SPOCK1: variants seen among roughly 807,000 people sequenced by gnomAD.
SPOCK1 encodes the protein SPARC (osteonectin), cwcv and kazal like domains proteoglycan 1.
In SPOCK1, 23 loss-of-function variants were observed where a neutral mutation model predicts 55.3. The observed-to-expected ratio is 0.42, with a 90% CI of 0.30 to 0.59. The LOEUF is 0.59. Among genes scored for constraint, SPOCK1 ranks in the 20% least tolerant of loss-of-function variants. The pLI is 0.22. For synonymous variants in SPOCK1, 226 were observed against 221.0 expected (o/e 1.02, Z -0.20); for missense variants, 499 against 552.5 (o/e 0.90, Z 0.97).
chr5:137,210,562 T>C (rs1755592022), intron 3 of SPOCK1, among the ~76,000 whole-genome samples: 1 of 152,152 alleles, frequency 6.6e-6, no homozygotes, highest in Non-Finnish European at 1.5e-5. Flanking sequence ...AGGAGAGACA[T>C]AATAAAAGGC....
Position 137,411,374 on chromosome 5 carries a change from C to T in SPOCK1, c.186+86999G>A, listed in dbSNP as rs551397753. On this transcript the variant is annotated intron_variant, in intron 2 of 10. Transcript: ENST00000394945. ...GTGTTCTATAGGATCACAGCAAACACCTGAAGAAGGGGAGAGCACCAGTGA... is the reference window on the plus strand; with the variant it reads ...GTGTTCTATAGGATCACAGCAAACATCTGAAGAAGGGGAGAGCACCAGTGA... Among the ~76,000 whole-genome samples the T allele has an allele frequency of 2.6e-5, 4 of 152,098 alleles. No individual in the cohort carries two copies. The South Asian group carries it at 8.3e-4, about 32-fold the overall frequency.
intron 4 of SPOCK1, among the ~76,000 whole-genome samples, chr5:137,133,213 C>CA (rs1217048915): frequency 2.0e-5 from 3 of 151,622 alleles, no homozygotes; most frequent in African/African-American, 4.8e-5. Flanking sequence ...ACTAAAAATA[C>CA]AAAAAAATTA....
At chr5:136,982,145 A>C (rs992154857) in intron 9 of SPOCK1, among the ~76,000 whole-genome samples, 16 of 152,196 alleles carry the variant, frequency 1.1e-4, no homozygotes, top group Non-Finnish European at 1.5e-4. Context: ...AAAGTCACCT[A>C]ATGACACATT....
chr5:137,474,732 G>C (rs544581465), intron 2 of SPOCK1, among the ~76,000 whole-genome samples: 7 of 152,246 alleles, frequency 4.6e-5, no homozygotes, highest in African/African-American at 1.7e-4. Flanking sequence ...TGCATCAATA[G>C]GCACAGTGAT....
chr5:137,323,020 G>A (rs1195388475), intron 2 of SPOCK1, among the ~76,000 whole-genome samples: 2 of 152,074 alleles, frequency 1.3e-5, no homozygotes, highest in African/African-American at 2.4e-5. Context: ...AAACCCACTC[G>A]TGCAATAACT....
intron 2 of SPOCK1, among the ~76,000 whole-genome samples, chr5:137,368,229 C>T (rs1482443259): frequency 2.6e-5 from 4 of 152,100 alleles, no homozygotes; most frequent in Non-Finnish European, 5.9e-5. Context: ...CAGGCATGAA[C>T]ATATGAAAAA....
At chr5:137,060,923 C>G (rs1173783427) in intron 6 of SPOCK1, among the ~76,000 whole-genome samples, 1 of 152,188 alleles carries the variant, frequency 6.6e-6, no homozygotes, top group Non-Finnish European at 1.5e-5. Flanking sequence ...ACCTCAGAGT[C>G]CTGACAAATG....
chr5:137,088,834 G>T (rs552897026), intron 5 of SPOCK1, among the ~76,000 whole-genome samples: 1 of 152,154 alleles, frequency 6.6e-6, no homozygotes, highest in Non-Finnish European at 1.5e-5. Flanking sequence ...GAATCTTCCA[G>T]GTGGATGTGC....
At chr5:137,153,940 G>A (rs570626640) in intron 3 of SPOCK1, among the ~76,000 whole-genome samples, 1 of 152,052 alleles carries the variant, frequency 6.6e-6, no homozygotes, top group Admixed American at 6.6e-5. Flanking sequence ...ATAAGGAAGA[G>A]AGGTAAGGGG....
intron 3 of SPOCK1, among the ~76,000 whole-genome samples, chr5:137,236,801 C>T (rs947841513): frequency 3.3e-5 from 5 of 152,204 alleles, no homozygotes; most frequent in African/African-American, 7.2e-5. Flanking sequence ...AAAACATCTA[C>T]TGAGCACAGA....
At chr5:137,474,288 C>CACTT (rs1452896871) in intron 2 of SPOCK1, among the ~76,000 whole-genome samples, 1 of 151,844 alleles carries the variant, frequency 6.6e-6, no homozygotes, top group African/African-American at 2.4e-5. Context: ...ATTATCAGTA[C>CACTT]GGTAATTCCT....
At chr5:137,182,138 T>C (rs1473838969) in intron 3 of SPOCK1, among the ~76,000 whole-genome samples, 11 of 152,332 alleles carry the variant, frequency 7.2e-5, no homozygotes, top group Non-Finnish European at 1.6e-4. Context: ...TTGCCCTGCA[T>C]CCTTCAATGG....
At chr5:137,026,775 G>C (rs558100654) in intron 6 of SPOCK1, among the ~76,000 whole-genome samples, 36 of 152,278 alleles carry the variant, frequency 2.4e-4, no homozygotes, top group African/African-American at 8.7e-4. Context: ...TGAGTTGCTG[G>C]GCCAAGGACC....
At chr5:137,155,211 G>T (rs753548586) in intron 3 of SPOCK1, among the ~76,000 whole-genome samples, 6 of 152,178 alleles carry the variant, frequency 3.9e-5, no homozygotes, top group African/African-American at 1.4e-4. Flanking sequence ...TTCCTCTCCA[G>T]ATTTCTCCAC....
intron 3 of SPOCK1, among the ~76,000 whole-genome samples, chr5:137,213,642 A>G (rs1580810704): frequency 6.6e-6 from 1 of 152,216 alleles, no homozygotes. Flanking sequence ...CTCAATGACC[A>G]CATGCTCCAA....
chr5:137,417,779 T>C (rs1428134122), intron 2 of SPOCK1, among the ~76,000 whole-genome samples: 4 of 152,182 alleles, frequency 2.6e-5, no homozygotes, highest in Non-Finnish European at 5.9e-5. Context: ...TCTATTTTTT[T>C]ATCTTTATTA....
At chr5:137,239,127 G>A (rs774783015) in intron 3 of SPOCK1, among the ~76,000 whole-genome samples, 35 of 152,332 alleles carry the variant, frequency 2.3e-4, no homozygotes, top group Middle Eastern at 3.4e-3. Flanking sequence ...TTTCCAGGGA[G>A]AGGAGAGGGG....
chr5:137,337,412 C>T (rs1349929141), intron 2 of SPOCK1, among the ~76,000 whole-genome samples: 1 of 152,196 alleles, frequency 6.6e-6, no homozygotes, highest in Non-Finnish European at 1.5e-5. Flanking sequence ...CCTATGCGGC[C>T]TTCTCACTCC....
At chr5:137,358,912 G>A (rs993837944) in intron 2 of SPOCK1, among the ~76,000 whole-genome samples, 3 of 150,892 alleles carry the variant, frequency 2.0e-5, no homozygotes, top group Non-Finnish European at 4.4e-5. Flanking sequence ...AATTTAATAG[G>A]CACTTTTGGA....
Sources: gnomAD v4.1 joint callset for allele counts (sites outside exome capture counted in the v4.1 genomes callset) on GRCh38, gnomAD v4.1.1 for gene constraint, MANE v1.5 for transcripts, NCBI Gene and HGNC (gene_info 2026-07-23, HGNC 2026-07-21) for gene names.